PPFIA1: variants seen among roughly 807,000 people sequenced by gnomAD.
The protein encoded by PPFIA1 is PPFI scaffold protein A1, also known as liprin-alpha-1.
Under a neutral mutation model 149.9 loss-of-function variants are expected in PPFIA1, and 25 were observed. The observed-to-expected ratio is 0.17, with a 90% CI of 0.12 to 0.23. The LOEUF (loss-of-function observed/expected upper bound fraction) is 0.23, where lower values mean the gene tolerates loss of function less well. Ranked by LOEUF, PPFIA1 falls within the 10% of genes least tolerant of loss-of-function variation. The pLI is 1.00. For synonymous variants in PPFIA1, 549 were observed against 552.8 expected, an observed-to-expected ratio of 0.99 and a Z score of 0.10; for missense variants, 1,362 against 1,506.5, an observed-to-expected ratio of 0.90 and a Z score of 1.59.
At chr11:70,295,625 A>C (rs1591093200) in intron 2 of PPFIA1, among the ~76,000 whole-genome samples, 1 of 110,126 alleles carries the variant, frequency 9.1e-6, no homozygotes, top group Non-Finnish European at 1.8e-5. Flanking sequence ...ACTTCCCAGT[A>C]GGGGCGGCCG....
rs199854772 is a variant in PPFIA1 at position 70,330,235 on chromosome 11, T to C, written c.993T>C (p.Ala331=). Reference sequence around the variant, plus strand: ...CTACTCTTGAAAAACGCTACCTCGCTGCACAGCGTGAAGCCACATCTGTGC... The same window carrying C: ...CTACTCTTGAAAAACGCTACCTCGCCGCACAGCGTGAAGCCACATCTGTGC... ...RITTLEKRYL[A]AQREATSVHD... is the part of the protein sequence containing the mutation. The change falls in exon 8 of 28, where the codon GCT becomes GCC. Residue 331 remains alanine (A), a synonymous_variant. Coordinates refer to ENST00000253925, the MANE Select transcript of PPFIA1 (RefSeq NM_003626.5). The C allele has an allele frequency of 1.9e-6, 3 of 1,603,644 alleles. No individual in the cohort carries two copies. In the African/African-American group the frequency reaches 4.0e-5, roughly 22 times the overall value.
rs148409474 is a variant in PPFIA1 at position 70,290,295 on chromosome 11, T to C, written c.264+17859T>C. On this transcript the variant is annotated intron_variant, in intron 2 of 27. Transcript: ENST00000253925. ...TACATGGTTCAAAAGACCAGAACTT[T>C]GTAAAAATGTAAACTCAGAAGTCTT... Among the ~76,000 whole-genome samples the C allele has an allele frequency of 2.5e-4, 38 of 152,320 alleles. No individual in the cohort carries two copies. The East Asian group carries it at 7.1e-3, about 29-fold the overall frequency.
intron 4 of PPFIA1, 171 bp downstream of exon 4, chr11:70,325,182 A>G (rs1054588489): frequency 3.4e-6 from 2 of 591,602 alleles, no homozygotes; most frequent in Non-Finnish European, 5.4e-6. Context: ...TAAATGTCTT[A>G]AAATTACTAA....
chr11:70,370,996 G>A (rs929695415), intron 21 of PPFIA1, among the ~76,000 whole-genome samples: 3 of 152,034 alleles, frequency 2.0e-5, no homozygotes, highest in Non-Finnish European at 4.4e-5. Context: ...AGTCAGGTGT[G>A]GTGGCTTGTG....
In PPFIA1 at chr11:70,332,124, C is replaced by T; in HGVS notation, c.1212+30C>T. ...TGCCATGAGCTTCATTCTGGTTCGG[C>T]TGCCAGGCCTGTGACTGTGCCTTGC... is the stretch of plus-strand genomic sequence containing the variant. On this transcript the variant is annotated intron_variant, in intron 9 of 27. Transcript: ENST00000253925. 1.9e-6 allele frequency: 3 copies of T among 1,558,972 alleles called. No individual in the cohort carries two copies. In the East Asian group the frequency reaches 7.0e-5, roughly 36 times the overall value.
At position 70,335,628 on chromosome 11, in the gene PPFIA1, G is replaced by T; in HGVS notation, c.1362G>T (p.Leu454=). 6.2e-7 allele frequency: 1 copy of T among 1,613,998 alleles called. No homozygotes were observed. The highest frequency in any genetic ancestry group is 8.5e-7 in the Non-Finnish European group (1 of 1,179,908). ...GTTTATCAGACACTGTTGACAAGCTGCTTTCAGAATCTAATGAGAGGCTTC... is the reference window on the plus strand; with the variant it reads ...GTTTATCAGACACTGTTGACAAGCTTCTTTCAGAATCTAATGAGAGGCTTC... ...NKRLSDTVDK[L]LSESNERLQL... Residue 454 remains leucine (L), a synonymous_variant, in exon 11 of 28, where the codon CTG becomes CTT. Coordinates refer to ENST00000253925, the MANE Select transcript of PPFIA1 (RefSeq NM_003626.5).
chr11:70,381,453 T>G (rs2057708267), intron 26 of PPFIA1, among the ~76,000 whole-genome samples: 1 of 152,230 alleles, frequency 6.6e-6, no homozygotes. Flanking sequence ...GAACTGAGAC[T>G]GGGCTTCAGT....
chr11:70,281,756 C>T (rs900050379), intron 2 of PPFIA1, among the ~76,000 whole-genome samples: 5 of 152,194 alleles, frequency 3.3e-5, no homozygotes, highest in African/African-American at 1.2e-4. Flanking sequence ...AGTGGACTCA[C>T]CTCAGTGGGC....
intron 2 of PPFIA1, among the ~76,000 whole-genome samples, chr11:70,323,625 A>G (rs1406759003): frequency 6.6e-6 from 1 of 151,854 alleles, no homozygotes; most frequent in Non-Finnish European, 1.5e-5. Flanking sequence ...AATACAACAG[A>G]CTCTGGCCTT....
chr11:70,361,266 TCC>T (rs961689809), intron 19 of PPFIA1, among the ~76,000 whole-genome samples: 12 of 152,188 alleles, frequency 7.9e-5, no homozygotes, highest in Admixed American at 7.2e-4. Context: ...CCAGGACCCC[TCC>T]TGAATACCAA....
chr11:70,280,237 C>CAT (rs1294275393), intron 2 of PPFIA1, among the ~76,000 whole-genome samples: 265 of 148,286 alleles, frequency 1.8e-3, no homozygotes, highest in African/African-American at 4.0e-3. Flanking sequence ...TACGTACATA[C>CAT]ATATATATAT....
At chr11:70,338,922 G>C (rs1175136028) in intron 13 of PPFIA1, among the ~76,000 whole-genome samples, 1 of 152,218 alleles carries the variant, frequency 6.6e-6, no homozygotes, top group East Asian at 1.9e-4. Flanking sequence ...TGGGCTCCTT[G>C]TGGCTCATCA....
At chr11:70,340,127 T>G (rs112848482) in intron 14 of PPFIA1, among the ~76,000 whole-genome samples, 5 of 150,648 alleles carry the variant, frequency 3.3e-5, no homozygotes, top group African/African-American at 1.2e-4. Flanking sequence ...GGGAGACCCC[T>G]GTCTCTATTA....
rs142092302 is a variant in PPFIA1, at chr11:70,272,224, G to A, written c.52G>A (p.Gly18Arg). 26 of 1,614,104 alleles carry A rather than the reference G, an allele frequency of 1.6e-5. No individual in the cohort carries two copies. The highest frequency in any genetic ancestry group is 2.2e-5 in the Non-Finnish European group (26 of 1,179,966). ...TISEAEGPPG[G>R]GGGHGSGSPS... is the part of the protein sequence containing the mutation. ...CAGCGAAGCAGAAGGCCCCCCTGGA[G>A]GAGGTGGAGGCCATGGTTCCGGCTC... Residue 18 changes from glycine (G) to arginine (R), a missense_variant, in exon 2 of 28, where the codon GGA becomes AGA. Coordinates refer to ENST00000253925, the MANE Select transcript of PPFIA1 (RefSeq NM_003626.5).
chr11:70,301,920 A>T (rs2052509975), intron 2 of PPFIA1, among the ~76,000 whole-genome samples: 1 of 152,218 alleles, frequency 6.6e-6, no homozygotes, highest in South Asian at 2.1e-4. Flanking sequence ...TACTCAGTTA[A>T]TTCCATATGC....
At chr11:70,273,202 G>A (rs752021283) in intron 2 of PPFIA1, among the ~76,000 whole-genome samples, 7 of 152,148 alleles carry the variant, frequency 4.6e-5, no homozygotes, top group Non-Finnish European at 8.8e-5. Context: ...ACTTGAACCC[G>A]GGAGGTGGAG....
chr11:70,273,801 T>C (rs1223223406), intron 2 of PPFIA1, among the ~76,000 whole-genome samples: 1 of 152,244 alleles, frequency 6.6e-6, no homozygotes. Context: ...TTAAAAGAAG[T>C]AGCCAATTTA....
At chr11:70,281,690 C>T (rs1240271704) in intron 2 of PPFIA1, among the ~76,000 whole-genome samples, 5 of 152,278 alleles carry the variant, frequency 3.3e-5, no homozygotes, top group African/African-American at 1.2e-4. Context: ...AGTGTACTGC[C>T]CCCAAATCCT....
At position 70,354,445 on chromosome 11, in the gene PPFIA1, A is replaced by G; in HGVS notation, c.2308A>G (p.Ile770Val). ...CGTCAGCCACGAGGACATCAGGGAC[A>G]TAAGGAAGTAAGGAGCCTGCAGCAG... is the stretch of plus-strand genomic sequence containing the variant. ...HTVSHEDIRD[I>V]RNSTGSQDGP... The change falls in exon 17 of 28, where the codon ATA becomes GTA. Residue 770 changes from isoleucine (I) to valine (V), a missense_variant. Physicochemically the swap from Ile to Val is conservative, Grantham distance 29. Coordinates refer to ENST00000253925, the MANE Select transcript of PPFIA1 (RefSeq NM_003626.5). The G allele has an allele frequency of 6.2e-7, 1 of 1,613,096 alleles. No homozygotes were observed. Among genetic ancestry groups the G allele is most frequent in the Non-Finnish European group, 8.5e-7 (1 of 1,179,696 alleles).
Sources: gnomAD v4.1 joint callset for allele counts (sites outside exome capture counted in the v4.1 genomes callset) on GRCh38, gnomAD v4.1.1 for gene constraint, MANE v1.5 for transcripts, NCBI Gene and HGNC (gene_info 2026-07-23, HGNC 2026-07-21) for gene names.